Variants in MYO3B observed in about 807,000 individuals in gnomAD.
The protein encoded by MYO3B is myosin-IIIb.
MYO3B carries 156 observed loss-of-function variants against 174.6 expected under a neutral mutation model. That is an observed-to-expected ratio of 0.89 (90% CI 0.78 to 1.02). The LOEUF (loss-of-function observed/expected upper bound fraction) is 1.02, where lower values mean the gene tolerates loss of function less well. MYO3B is among the 50% of genes least tolerant of loss of function. MYO3B has a pLI of 0.00. For synonymous variants in MYO3B, 563 were observed against 569.1 expected, an observed-to-expected ratio of 0.99 and a Z score of 0.15; for missense variants, 1,632 against 1,639.4, an observed-to-expected ratio of 1.00 and a Z score of 0.08.
At chr2:170,355,833 G>A (rs147174393) in intron 8 of MYO3B, among the ~76,000 whole-genome samples, 219 of 152,256 alleles carry the variant, frequency 1.4e-3, no homozygotes, top group African/African-American at 4.9e-3. Flanking sequence ...TCACCAAGTT[G>A]CTGATAGATT....
At chr2:170,503,733 G>A (rs942152496) in intron 28 of MYO3B, among the ~76,000 whole-genome samples, 3 of 151,896 alleles carry the variant, frequency 2.0e-5, no homozygotes, top group East Asian at 1.9e-4. Flanking sequence ...GTGATGTTGG[G>A]AACTTCCATT....
chr2:170,281,550 G>A (rs2093510973), intron 7 of MYO3B, among the ~76,000 whole-genome samples: 1 of 152,118 alleles, frequency 6.6e-6, no homozygotes, highest in African/African-American at 2.4e-5. Context: ...AAACTACTGA[G>A]AACAAAGATG....
In MYO3B at chr2:170,191,154, A is replaced by G. The variant is rs551410706; in HGVS notation, c.3-8054A>G. Among the ~76,000 whole-genome samples the G allele has an allele frequency of 6.8e-4, 104 of 151,902 alleles. No homozygotes were observed. The Middle Eastern group carries it at 0.014, about 20-fold the overall frequency. ...AATGTCGTAGAGGAGATAGGGCCTCAGGACTCTTCCTGGTACCCTGTCCTA... is the reference window on the plus strand; with the variant it reads ...AATGTCGTAGAGGAGATAGGGCCTCGGGACTCTTCCTGGTACCCTGTCCTA... On this transcript the variant is annotated intron_variant, in intron 1 of 34. Coordinates refer to ENST00000408978, the MANE Select transcript of MYO3B (RefSeq NM_138995.5).
intron 7 of MYO3B, among the ~76,000 whole-genome samples, chr2:170,281,006 C>G (rs897894993): frequency 6.6e-6 from 1 of 151,932 alleles, no homozygotes; most frequent in African/African-American, 2.4e-5. Context: ...TTCCTAGTTC[C>G]GTGAAGAATG....
At chr2:170,623,894 A>T (rs986090319) in intron 32 of MYO3B, among the ~76,000 whole-genome samples, 1 of 148,528 alleles carries the variant, frequency 6.7e-6, no homozygotes, top group African/African-American at 2.5e-5. Flanking sequence ...GATGTGTGGT[A>T]TTATTTCTGA....
chr2:170,378,038 C>T (rs1165127827), intron 9 of MYO3B, among the ~76,000 whole-genome samples: 1 of 151,574 alleles, frequency 6.6e-6, no homozygotes, highest in Non-Finnish European at 1.5e-5. Flanking sequence ...AAATTAAGAT[C>T]TATAGTTACT....
At chr2:170,563,028 G>GCGTACA (rs1256094477) in intron 32 of MYO3B, among the ~76,000 whole-genome samples, 2 of 53,132 alleles carry the variant, frequency 3.8e-5, no homozygotes, top group Non-Finnish European at 8.7e-5. Flanking sequence ...TGTAAAACAT[G>GCGTACA]CATACACACA....
In MYO3B at chr2:170,589,696, A is replaced by T. The variant is rs563821598; in HGVS notation, c.3733+45708A>T. The stretch of plus-strand genomic sequence containing the variant: ...CAAAACATTTAGAAAATTTAAGTTT[A>T]TAAGGTTAAAAAGTTACAGTAAGCT... On this transcript the variant is annotated intron_variant, in intron 32 of 34. Transcript: ENST00000408978. Among the ~76,000 whole-genome samples the T allele has an allele frequency of 4.5e-4, 68 of 152,358 alleles. 3 individuals are homozygous for T. The South Asian group carries it at 0.014, about 32-fold the overall frequency.
At chr2:170,621,600 C>T (rs1695923838) in intron 32 of MYO3B, among the ~76,000 whole-genome samples, 1 of 151,630 alleles carries the variant, frequency 6.6e-6, no homozygotes, top group South Asian at 2.1e-4. Flanking sequence ...ACCTCCGCCT[C>T]CCAGGTTCAA....
chr2:170,387,504 G>A (rs2094385106), intron 14 of MYO3B, among the ~76,000 whole-genome samples, 196 bp downstream of exon 14: 1 of 152,144 alleles, frequency 6.6e-6, no homozygotes, highest in African/African-American at 2.4e-5. Flanking sequence ...AAAGGGCTGG[G>A]GTGGGCGTGC....
Position 170,401,710 on chromosome 2 carries a change from A to G in MYO3B, c.2129+19A>G. On this transcript the variant is annotated intron_variant, in intron 18 of 34. Transcript: ENST00000408978. ...ACATATGGCAAGTTCCTCGGAGAGC[A>G]GAGGGTCTCAGGAGAGCTGTCATTG... The G allele has an allele frequency of 6.2e-7, 1 of 1,609,210 alleles. No homozygotes were observed.
Position 170,391,547 on chromosome 2 carries a change from C to A in MYO3B, c.1605C>A (p.Tyr535Ter), listed in dbSNP as rs1203955546. ...AAREKNFHIF[Y>*]YIYAGLHHQK... ...GAGAGAAAAATTTTCATATATTTTA[C>A]TATATTTATGCTGGTCTTCATCACC... The change falls in exon 15 of 35, where the codon TAC (tyrosine) becomes TAA (stop). Residue 535 changes from tyrosine to a stop codon, truncating the protein, a stop_gained. Transcript: ENST00000408978. LOFTEE classifies it high-confidence loss of function. 4 of 1,530,466 alleles carry A rather than the reference C, an allele frequency of 2.6e-6. No homozygotes were observed. Among genetic ancestry groups the A allele is most frequent in the East Asian group, 2.4e-5 (1 of 41,774 alleles). The allele number at this position is 1,530,466 out of a possible 1,614,324, so 94.8% of individuals were successfully genotyped here.
chr2:170,292,494 A>G (rs547373515), intron 7 of MYO3B, among the ~76,000 whole-genome samples: 2 of 152,142 alleles, frequency 1.3e-5, no homozygotes, highest in Admixed American at 6.5e-5. Context: ...GTAAATGTCT[A>G]TGTCTTTGAA....
At chr2:170,224,603 T>C (rs776783033) in intron 6 of MYO3B, among the ~76,000 whole-genome samples, 8 of 152,000 alleles carry the variant, frequency 5.3e-5, no homozygotes, top group Non-Finnish European at 1.2e-4. Flanking sequence ...GACTACACTT[T>C]GCAATTCCGC....
At chr2:170,402,708 C>A in intron 18 of MYO3B, 140 bp from the exon 19 acceptor site, 2 of 605,526 alleles carry the variant, frequency 3.3e-6, no homozygotes, top group Middle Eastern at 5.2e-4. Flanking sequence ...TGCTTCTTTT[C>A]TTAGGGGTGG....
At chr2:170,388,239 A>C (rs1176466776) in intron 14 of MYO3B, among the ~76,000 whole-genome samples, 1 of 152,134 alleles carries the variant, frequency 6.6e-6, no homozygotes, top group African/African-American at 2.4e-5. Flanking sequence ...CGGGGCTTAG[A>C]GTATGCGGTA....
intron 23 of MYO3B, among the ~76,000 whole-genome samples, chr2:170,460,096 C>T (rs935914882): frequency 2.6e-5 from 4 of 152,172 alleles, no homozygotes; most frequent in Non-Finnish European, 5.9e-5. Flanking sequence ...GGCTGAAGGG[C>T]TCCTCAAGCG....
chr2:170,456,414 A>T (rs913381024), intron 23 of MYO3B, among the ~76,000 whole-genome samples: 11 of 152,182 alleles, frequency 7.2e-5, no homozygotes, highest in African/African-American at 2.7e-4. Context: ...AATTTCAGAG[A>T]ACAGCTTCAT....
intron 3 of MYO3B, among the ~76,000 whole-genome samples, chr2:170,203,471 A>T (rs142054538): frequency 0.018 from 2,250 of 122,228 alleles, 63 homozygotes; most frequent in African/African-American, 0.067. Context: ...AGTATCTAAT[A>T]TGTAGAGCCA....
Sources: allele counts gnomAD v4.1 joint callset (sites outside exome capture counted in the v4.1 genomes callset), GRCh38; gene constraint gnomAD v4.1.1; transcripts MANE v1.5; gene names NCBI Gene and HGNC (gene_info 2026-07-23, HGNC 2026-07-21).